SLC39A14: variants seen among roughly 807,000 people sequenced by gnomAD.
The protein encoded by SLC39A14 is metal cation symporter ZIP14.
A neutral mutation model predicts 45.5 loss-of-function variants in SLC39A14; 19 were observed. The observed-to-expected ratio is 0.42, with a 90% CI of 0.29 to 0.61. The LOEUF (loss-of-function observed/expected upper bound fraction) is 0.61. Among genes scored for constraint, SLC39A14 ranks in the 20% least tolerant of loss-of-function variants. The pLI is 0.22. For synonymous variants in SLC39A14, 264 were observed against 251.3 expected, an observed-to-expected ratio of 1.05 and a Z score of -0.48; for missense variants, 447 against 616.5, an observed-to-expected ratio of 0.73 and a Z score of 2.91.
At chr8:22,414,723 G>A (rs199717341) in intron 4 of SLC39A14, 57 bp from the exon 5 acceptor site, 190 of 1,552,234 alleles carry the variant, frequency 1.2e-4, no homozygotes, top group Non-Finnish European at 1.5e-4. Flanking sequence ...ATAAGAGGGG[G>A]ATCAGTAAAG....
At chr8:22,399,453 C>T (rs1447748022) in intron 1 of SLC39A14, among the ~76,000 whole-genome samples, 1 of 152,216 alleles carries the variant, frequency 6.6e-6, no homozygotes, top group Non-Finnish European at 1.5e-5. Flanking sequence ...TAGATCCTCC[C>T]CAACCCTTGC....
At chr8:22,405,018 C>T (rs1267667726) in intron 2 of SLC39A14, 38 bp downstream of exon 2, 7 of 1,587,782 alleles carry the variant, frequency 4.4e-6, no homozygotes, top group Admixed American at 1.7e-5. Flanking sequence ...CTGCTCAGCC[C>T]CGTCTCTGGC....
At chr8:22,373,916 G>A (rs1005356542) in intron 1 of SLC39A14, among the ~76,000 whole-genome samples, 5 of 152,084 alleles carry the variant, frequency 3.3e-5, no homozygotes, top group African/African-American at 9.6e-5. Context: ...GCGCCACCAC[G>A]CCCAGCTAAT....
chr8:22,402,293 G>C (rs1440543203), intron 1 of SLC39A14, among the ~76,000 whole-genome samples: 1 of 152,148 alleles, frequency 6.6e-6, no homozygotes, highest in Non-Finnish European at 1.5e-5. Flanking sequence ...GCTGAGGTGG[G>C]AGAATGGTGT....
intron 1 of SLC39A14, among the ~76,000 whole-genome samples, chr8:22,395,889 C>T (rs1482875061): frequency 6.6e-6 from 1 of 152,162 alleles, no homozygotes; most frequent in Non-Finnish European, 1.5e-5. Flanking sequence ...CTTTCCTCTC[C>T]AGGTTTGTCC....
Position 22,412,062 on chromosome 8 carries a change from G to A in SLC39A14, c.483G>A (p.Val161=), listed in dbSNP as rs1835602360. 1 of 1,551,336 alleles carries A rather than the reference G, an allele frequency of 6.4e-7. No homozygotes were observed. Among genetic ancestry groups the A allele is most frequent in the Non-Finnish European group, 8.7e-7 (1 of 1,146,986 alleles). Residue 161 remains valine (V), a synonymous_variant, in exon 4 of 9, where the codon GTG becomes GTA. Coordinates refer to ENST00000381237, the MANE Select transcript of SLC39A14 (RefSeq NM_001128431.4). ...TGTGGGGATACGGTCTCCTCTGTGT[G>A]ACCGTCATCTCCCTCTGCTCCCTCC... ...VEVWGYGLLC[V]TVISLCSLLG... is the part of the protein sequence containing the mutation.
intron 8 of SLC39A14, among the ~76,000 whole-genome samples, chr8:22,428,065 G>A (rs1159955169): frequency 1.3e-5 from 2 of 152,170 alleles, no homozygotes; most frequent in Non-Finnish European, 2.9e-5. Context: ...CTGGGAGGCT[G>A]AGGCGGGTGG....
Position 22,415,817 on chromosome 8 carries a change from A to G in SLC39A14, c.799A>G (p.Lys267Glu), listed in dbSNP as rs535701921. 6.2e-7 allele frequency: 1 copy of G among 1,613,372 alleles called. No individual in the cohort carries two copies. Among genetic ancestry groups the G allele is most frequent in the Non-Finnish European group, 8.5e-7 (1 of 1,179,846 alleles). The change falls in exon 6 of 9, where the codon AAG becomes GAG. Residue 267 changes from lysine (K) to glutamate (E), a missense_variant. This residue lies in a region of SLC39A14 where 342 missense variants were observed against 428.1 expected (regional missense o/e 0.80). Transcript: ENST00000381237. ...HYASESLPSK[K>E]DQEEGVMEKL... Reference sequence around the variant, plus strand: ...TGCCTCTGAGTCGCTTCCCTCCAAGAAGGACCAGGAGGAGGGGGTGATGGA... The same window carrying G: ...TGCCTCTGAGTCGCTTCCCTCCAAGGAGGACCAGGAGGAGGGGGTGATGGA...
intron 1 of SLC39A14, among the ~76,000 whole-genome samples, chr8:22,376,334 A>ATTTTTTTTTTTTTT (rs778041310): frequency 8.2e-6 from 1 of 122,426 alleles, no homozygotes. Flanking sequence ...ACCACACCTA[A>ATTTTTTTTTTTTTT]TTTTTTTTTT....
chr8:22,404,080 A>G (rs1270495627), intron 1 of SLC39A14, among the ~76,000 whole-genome samples: 2 of 152,234 alleles, frequency 1.3e-5, no homozygotes, highest in Admixed American at 6.5e-5. Flanking sequence ...GTCCCCAGAT[A>G]TAAGATGTCA....
chr8:22,369,757 T>C (rs890453571), intron 1 of SLC39A14, among the ~76,000 whole-genome samples: 61 of 152,164 alleles, frequency 4.0e-4, no homozygotes, highest in African/African-American at 1.3e-3. Context: ...TTGCAGGATG[T>C]CGTGATTTTG....
At chr8:22,400,881 G>C (rs905464312) in intron 1 of SLC39A14, among the ~76,000 whole-genome samples, 1 of 152,154 alleles carries the variant, frequency 6.6e-6, no homozygotes, top group African/African-American at 2.4e-5. Flanking sequence ...AGTCAGAGTT[G>C]GGAACCCTGC....
intron 1 of SLC39A14, among the ~76,000 whole-genome samples, chr8:22,393,487 A>G (rs1163115994): frequency 6.6e-6 from 1 of 152,130 alleles, no homozygotes; most frequent in Non-Finnish European, 1.5e-5. Context: ...AGAAGCCTGT[A>G]GGGCAGTATT....
intron 1 of SLC39A14, among the ~76,000 whole-genome samples, chr8:22,386,891 G>A (rs192159092): frequency 8.5e-5 from 13 of 152,216 alleles, no homozygotes; most frequent in Admixed American, 3.9e-4. Flanking sequence ...GGCTATTGTC[G>A]GCCAATCGTG....
At chr8:22,404,456 C>G (rs1339485828) in intron 1 of SLC39A14, 5 of 232,448 alleles carry the variant, frequency 2.2e-5, no homozygotes, top group Non-Finnish European at 2.8e-5. Context: ...AACCGCATTG[C>G]TGTTTGTTTT....
chr8:22,404,314 T>C (rs1835066009), intron 1 of SLC39A14, among the ~76,000 whole-genome samples: 1 of 151,064 alleles, frequency 6.6e-6, no homozygotes. Flanking sequence ...TAATACCAGC[T>C]ACTTGGGAGG....
chr8:22,393,099 A>T, intron 1 of SLC39A14: 1 of 430,350 alleles, frequency 2.3e-6, no homozygotes, highest in Non-Finnish European at 3.1e-6. Flanking sequence ...TCACAAGGAG[A>T]GTGAGTGGGC....
chr8:22,404,927 G>C lies in SLC39A14; in HGVS notation c.217G>C (p.Val73Leu), dbSNP rs1332265493. ...KALLNHLDVG[V>L]GRGNVTQHVQ... ...CCTACTCAACCACCTGGATGTGGGA[G>C]TGGGCCGGGGTAATGTCACCCAGCA... Residue 73 changes from valine (V) to leucine (L), a missense_variant, in exon 2 of 9, where the codon GTG (valine) becomes CTG (leucine). Transcript: ENST00000381237. 2 of 1,614,068 alleles carry C rather than the reference G, an allele frequency of 1.2e-6. No homozygotes were observed. The highest frequency in any genetic ancestry group is 1.3e-5 in the African/African-American group (1 of 74,926).
downstream of SLC39A14, among the ~76,000 whole-genome samples, chr8:22,423,817 A>G (rs559546043): frequency 9.2e-5 from 7 of 75,724 alleles, no homozygotes; most frequent in Non-Finnish European, 1.8e-4. Flanking sequence ...TCTCTCATCT[A>G]TCTTCCTATG....
Sources: gnomAD v4.1 joint callset for allele counts (sites outside exome capture counted in the v4.1 genomes callset) on GRCh38, gnomAD v4.1.1 for gene constraint, gnomAD v4.1.1 regional missense constraint, MANE v1.5 for transcripts, NCBI Gene and HGNC (gene_info 2026-07-23, HGNC 2026-07-21) for gene names.